Variants in KCNAB2 observed in about 807,000 individuals in gnomAD.
KCNAB2 encodes the protein voltage-gated potassium channel subunit beta-2.
A neutral mutation model predicts 63.6 loss-of-function variants in KCNAB2; 29 were observed. The observed-to-expected ratio is 0.46, with a 90% CI of 0.34 to 0.62. The LOEUF (loss-of-function observed/expected upper bound fraction) is 0.62, where lower values mean the gene tolerates loss of function less well. Ranked by LOEUF, KCNAB2 falls within the 20% of genes least tolerant of loss-of-function variation. KCNAB2 has a pLI of 0.01. For synonymous variants in KCNAB2, 222 were observed against 224.2 expected (o/e 0.99, Z 0.09); for missense variants, 359 against 563.9 (o/e 0.64, Z 3.68).
intron 6 of KCNAB2, among the ~76,000 whole-genome samples, chr1:6,085,584 A>G (rs1664629858): frequency 6.6e-6 from 1 of 152,184 alleles, no homozygotes; most frequent in South Asian, 2.1e-4. Flanking sequence ...GCCTGGGTAC[A>G]GCAAAGGCGT....
At chr1:6,045,094 G>A (rs4908738), upstream of KCNAB2, among the ~76,000 whole-genome samples, 4,459 of 152,238 alleles carry the variant, frequency 0.029, 94 homozygotes, top group South Asian at 0.095. This position sits in a 1 kb window ranked among gnomAD's most constrained non-coding sequence, Gnocchi z 4.8. Flanking sequence ...CCGCAGCCAG[G>A]CACCTCCAGA....
intron 2 of KCNAB2, among the ~76,000 whole-genome samples, chr1:6,057,197 C>T (rs548447271): frequency 4.0e-5 from 6 of 151,814 alleles, no homozygotes; most frequent in South Asian, 4.2e-4. Flanking sequence ...GGAGCCTCTG[C>T]GGTCCTTGGG....
intron 5 of KCNAB2, among the ~76,000 whole-genome samples, chr1:6,082,689 C>T (rs956429574): frequency 6.6e-6 from 1 of 152,216 alleles, no homozygotes; most frequent in African/African-American, 2.4e-5. Context: ...CACTTCCCAT[C>T]TTGGCGGTGA....
Position 6,079,218 on chromosome 1 carries a change from TTGCC to T in KCNAB2, c.301-2970_301-2967del, listed in dbSNP as rs1279180010. Among the ~76,000 whole-genome samples the T allele has an allele frequency of 4.0e-5, 6 of 150,064 alleles. No individual in the cohort carries two copies. The East Asian group carries it at 1.2e-3, about 29-fold the overall frequency. Reference sequence around the variant, plus strand: ...TGCCCCTCCCCCACCCACTCTCTCCTTGCCTGCCTGACAAACTCCTAAACACCCT... The same window carrying T: ...TGCCCCTCCCCCACCCACTCTCTCCTTGCCTGACAAACTCCTAAACACCCT... On this transcript the variant is annotated intron_variant, in intron 4 of 15. Coordinates refer to ENST00000378083, the MANE Select transcript of KCNAB2 (RefSeq NM_001199862.2).
At position 6,100,721 on chromosome 1, in the gene KCNAB2, C is replaced by T. The variant is rs1665974929; in HGVS notation, c.*2147C>T. 1.3e-5 allele frequency: 2 copies of T among 152,300 alleles called. No homozygotes were observed. The highest frequency in any genetic ancestry group is 4.8e-5 in the African/African-American group (2 of 41,466). 9.4% of individuals were successfully genotyped at this position (152,300 alleles called of 1,614,324 possible). ...GCCTCTGGCGCAGCTCTTTCCACGACCTGGTTCCTGGATGTCCTGCTTGCT... is the reference window on the plus strand; with the variant it reads ...GCCTCTGGCGCAGCTCTTTCCACGATCTGGTTCCTGGATGTCCTGCTTGCT... On this transcript the variant is annotated 3_prime_UTR_variant, in exon 16 of 16. Coordinates refer to ENST00000378083, the MANE Select transcript of KCNAB2 (RefSeq NM_001199862.2).
exon 2 of KCNAB2, chr1:6,040,586 G>T (rs138650831): frequency 6.2e-7 from 1 of 1,614,170 alleles, no homozygotes; most frequent in Admixed American, 1.7e-5. Context: ...CAGAATCAAC[G>T]ACGGGCTCCC....
chr1:6,083,761 G>A (rs533944157), intron 5 of KCNAB2, among the ~76,000 whole-genome samples: 29 of 152,310 alleles, frequency 1.9e-4, no homozygotes, highest in African/African-American at 7.0e-4. Context: ...CTTGCAGGGG[G>A]CCAAACCCGT....
chr1:6,011,738 G>A (rs1289473642), intron 1 of KCNAB2, among the ~76,000 whole-genome samples: 2 of 152,248 alleles, frequency 1.3e-5, no homozygotes, highest in Non-Finnish European at 2.9e-5. Flanking sequence ...AAGTGGTGGA[G>A]GTGGGCGAGA....
Position 6,086,590 on chromosome 1 carries a change from G to A in KCNAB2, c.426-877G>A, listed in dbSNP as rs559119638. Among the ~76,000 whole-genome samples, 3 of 152,234 alleles carry A rather than the reference G, an allele frequency of 2.0e-5. No homozygotes were observed. The highest frequency in any genetic ancestry group is 3.9e-4 in the East Asian group (2 of 5,158). ...CCAGGAGGTCATTGTCACCCCCTGG[G>A]TGGGAAGTACTCCCTCCTCTGGGAG... On this transcript the variant is annotated intron_variant, in intron 6 of 15. Coordinates refer to ENST00000378083, the MANE Select transcript of KCNAB2 (RefSeq NM_001199862.2). This position sits in a 1 kb window ranked among gnomAD's most constrained non-coding sequence, Gnocchi z 4.2.
intron 5 of KCNAB2, among the ~76,000 whole-genome samples, chr1:6,084,193 A>G (rs1043888767): frequency 6.6e-6 from 1 of 152,224 alleles, no homozygotes; most frequent in African/African-American, 2.4e-5. Flanking sequence ...GCTCAGAAAC[A>G]TTTTGCTACA....
chr1:6,015,866 G>C (rs1019333718), intron 1 of KCNAB2, among the ~76,000 whole-genome samples: 1 of 152,086 alleles, frequency 6.6e-6, no homozygotes, highest in East Asian at 1.9e-4. Context: ...CACCACGCCT[G>C]GCTAATTTTT....
At chr1:6,054,299 T>A (rs1661628548) in intron 2 of KCNAB2, among the ~76,000 whole-genome samples, 4 of 151,884 alleles carry the variant, frequency 2.6e-5, no homozygotes, top group African/African-American at 7.3e-5. Flanking sequence ...GAACAAAGAA[T>A]TGGACAAAAC....
In KCNAB2 at chr1:6,071,341, C is replaced by T. The variant is rs996885081; in HGVS notation, c.219-1414C>T. On this transcript the variant is annotated intron_variant, in intron 2 of 15. Transcript: ENST00000378083. The surrounding 1 kb of genome is among the most constrained non-coding windows in gnomAD (Gnocchi z 8.5). Reference sequence around the variant, plus strand: ...AACTCATGGCTCTCACTCCCCACCGCCTAGAACCAGCTGCCCCTTGACCAG... The same window carrying T: ...AACTCATGGCTCTCACTCCCCACCGTCTAGAACCAGCTGCCCCTTGACCAG... 2.4e-4 allele frequency among the ~76,000 whole-genome samples: 37 copies of T among 152,178 alleles called. No individual in the cohort carries two copies. Among genetic ancestry groups the T allele is most frequent in the Non-Finnish European group, 2.1e-4 (14 of 68,026 alleles).
intron 7 of KCNAB2, 120 bp from the exon 8 acceptor site, chr1:6,088,888 C>A: frequency 1.1e-6 from 1 of 938,946 alleles, no homozygotes; most frequent in South Asian, 1.5e-5. Flanking sequence ...TGGAATCCGA[C>A]TCCACACGGC....
rs1436880641 is a variant in KCNAB2 at position 6,082,258 on chromosome 1, G to C, written c.364G>C (p.Val122Leu). 1.2e-6 allele frequency: 2 copies of C among 1,613,386 alleles called. No individual in the cohort carries two copies. The highest frequency in any genetic ancestry group is 1.7e-6 in the Non-Finnish European group (2 of 1,179,650). ...NGINLFDTAEVYAAGKAEVVL... is the reference protein window; with the variant it reads ...NGINLFDTAELYAAGKAEVVL... ...CATCAACCTCTTCGATACAGCAGAA[G>C]TCTACGCAGCCGGCAAGTACGTGTC... is the stretch of plus-strand genomic sequence containing the variant. Residue 122 changes from valine to leucine, a missense_variant, in exon 5 of 16, where the codon GTC (valine) becomes CTC (leucine). Val to Leu is a conservative substitution (Grantham distance 32). Coordinates refer to ENST00000378083, the MANE Select transcript of KCNAB2 (RefSeq NM_001199862.2).
In KCNAB2 at chr1:6,100,464, T is replaced by G; in HGVS notation, c.*1890T>G. 1 of 157,556 alleles carries G rather than the reference T, an allele frequency of 6.3e-6. No individual in the cohort carries two copies. 9.8% of individuals were successfully genotyped at this position (157,556 alleles called of 1,614,324 possible). A position where few individuals can be genotyped will look rare whatever the true frequency, so the allele number is the denominator to read the frequency against. On this transcript the variant is annotated 3_prime_UTR_variant, in exon 16 of 16. Transcript: ENST00000378083. ...TTCCTTCCCGGACAGGGTCCTGCAGTGGCCAATGGTGCCAGAGGGCAGGTG... is the reference window on the plus strand; with the variant it reads ...TTCCTTCCCGGACAGGGTCCTGCAGGGGCCAATGGTGCCAGAGGGCAGGTG...
At chr1:6,091,598 C>G (rs1241036137) in intron 10 of KCNAB2, among the ~76,000 whole-genome samples, 1 of 151,786 alleles carries the variant, frequency 6.6e-6, no homozygotes, top group East Asian at 1.9e-4. Context: ...TCCTCTTGAT[C>G]TGAGGATGCT....
At chr1:6,040,274 G>A (rs961666550) in intron 1 of KCNAB2, among the ~76,000 whole-genome samples, 2 of 152,164 alleles carry the variant, frequency 1.3e-5, no homozygotes, top group East Asian at 3.9e-4. Flanking sequence ...TGGAGTGATG[G>A]AGTGTGGAAA....
chr1:6,098,332 C>T (rs1665817567), intron 15 of KCNAB2, 153 bp from the exon 16 acceptor site: 39 of 1,422,882 alleles, frequency 2.7e-5, no homozygotes, highest in Non-Finnish European at 3.3e-5. Context: ...ACAAAAGCAG[C>T]GTGGCCTCCA....
Sources: allele counts gnomAD v4.1 joint callset (sites outside exome capture counted in the v4.1 genomes callset), GRCh38; gene constraint gnomAD v4.1.1; non-coding constraint Gnocchi (gnomAD v3.1); transcripts MANE v1.5; gene names NCBI Gene and HGNC (gene_info 2026-07-23, HGNC 2026-07-21).